NRXN3: variants seen among roughly 807,000 people sequenced by gnomAD.
NRXN3 encodes the protein neurexin III.
Under a neutral mutation model 137.6 loss-of-function variants are expected in NRXN3, and 32 were observed. The ratio of observed to expected loss-of-function variants is 0.23; its 90% CI spans 0.18 to 0.31. The LOEUF (loss-of-function observed/expected upper bound fraction) is 0.31. Ranked by LOEUF, NRXN3 falls within the 10% of genes least tolerant of loss-of-function variation. The probability of loss-of-function intolerance (pLI) is 1.00; values close to 1 mark genes in which losing one functional copy is unlikely to be tolerated. For synonymous variants in NRXN3, 798 were observed against 784.5 expected (o/e 1.02, Z -0.29); for missense variants, 1,574 against 2,062.5 (o/e 0.76, Z 4.59).
rs557799323 is a variant in NRXN3 at position 79,385,204 on chromosome 14, T to TCC, written c.3263-82012_3263-82011dup. On this transcript the variant is annotated intron_variant, in intron 15 of 20. Coordinates refer to ENST00000335750, the MANE Select transcript of NRXN3 (RefSeq NM_001330195.2). ...TAGGTATATCTCCCAATGCTATCCT[T>TCC]CCCCCCGCCCCCACCCCACCACAGT... is the stretch of plus-strand genomic sequence containing the variant. Among the ~76,000 whole-genome samples, 444 of 90,406 alleles carry TCC rather than the reference T, an allele frequency of 4.9e-3. 1 individual carries two copies. Among genetic ancestry groups the TCC allele is most frequent in the African/African-American group, 9.1e-3 (256 of 28,168 alleles). The allele number at this position is 90,406 out of a possible 152,430, so 59.3% of individuals were successfully genotyped here.
Position 78,774,923 on chromosome 14 carries a change from TA to T in NRXN3, c.2045-28688del, listed in dbSNP as rs199590617. Among the ~76,000 whole-genome samples the T allele has an allele frequency of 3.5e-3, 533 of 150,660 alleles. 17 individuals carry two copies. In the East Asian group the frequency reaches 0.06, roughly 17 times the overall value. Reference sequence around the variant, plus strand: ...GGGTGACAGAGTGAAACCCTGTCTCTAAAAAAAAAGAATAAAAAATAGAGGT... The same window carrying T: ...GGGTGACAGAGTGAAACCCTGTCTCTAAAAAAAAGAATAAAAAATAGAGGT... On this transcript the variant is annotated intron_variant, in intron 8 of 20. Coordinates refer to ENST00000335750, the MANE Select transcript of NRXN3 (RefSeq NM_001330195.2).
At chr14:79,428,647 A>T (rs967851239) in intron 15 of NRXN3, among the ~76,000 whole-genome samples, 5 of 152,186 alleles carry the variant, frequency 3.3e-5, no homozygotes, top group Non-Finnish European at 7.3e-5. Flanking sequence ...ATCTAAATAT[A>T]TAGCAAAATC....
At chr14:78,860,479 C>T (rs572269561) in intron 10 of NRXN3, among the ~76,000 whole-genome samples, 2 of 152,218 alleles carry the variant, frequency 1.3e-5, no homozygotes, top group South Asian at 2.1e-4. Context: ...TTTCTAATCA[C>T]ATTCTTTCAG....
intron 4 of NRXN3, among the ~76,000 whole-genome samples, chr14:78,453,273 CT>C (rs1412481440): frequency 6.6e-6 from 1 of 152,204 alleles, no homozygotes. Flanking sequence ...TATATAGCAT[CT>C]TATATGGAAC....
At chr14:79,406,053 T>C (rs1354040310) in intron 15 of NRXN3, among the ~76,000 whole-genome samples, 1 of 152,124 alleles carries the variant, frequency 6.6e-6, no homozygotes, top group African/African-American at 2.4e-5. Context: ...CAGTTAAATA[T>C]ACAAAAGAAA....
At chr14:78,245,324 G>C (rs555673528) in intron 2 of NRXN3, among the ~76,000 whole-genome samples, 43 of 152,240 alleles carry the variant, frequency 2.8e-4, no homozygotes, top group Middle Eastern at 3.4e-3. Context: ...TCTTGGCATG[G>C]GATCCAAGCA....
chr14:79,246,749 C>A (rs1006441055), intron 15 of NRXN3: 11 of 152,224 alleles, frequency 7.2e-5, no homozygotes, highest in African/African-American at 2.4e-4. Flanking sequence ...GTTTTCCCTG[C>A]AACAAGGTTA....
chr14:79,260,124 A>G (rs2077372726), intron 15 of NRXN3, among the ~76,000 whole-genome samples: 1 of 152,110 alleles, frequency 6.6e-6, no homozygotes, highest in Non-Finnish European at 1.5e-5. Context: ...AATATTTTTG[A>G]TATGTACAAA....
At chr14:79,361,255 T>C (rs2093670791) in intron 15 of NRXN3, among the ~76,000 whole-genome samples, 1 of 152,232 alleles carries the variant, frequency 6.6e-6, no homozygotes. Context: ...GCTGTTTCAC[T>C]GGGGCATCAG....
At chr14:79,323,153 C>T (rs2090314834) in intron 15 of NRXN3, among the ~76,000 whole-genome samples, 2 of 152,194 alleles carry the variant, frequency 1.3e-5, no homozygotes, top group South Asian at 2.1e-4. Context: ...CCTGCCTCAG[C>T]CTCCCAAGTA....
chr14:79,752,382 G>A (rs1214745188), intron 19 of NRXN3, among the ~76,000 whole-genome samples: 3 of 152,018 alleles, frequency 2.0e-5, no homozygotes, highest in Non-Finnish European at 4.4e-5. Context: ...ATAGATCAAT[G>A]GAACAGAACA....
In NRXN3 at chr14:78,715,112, G is replaced by C. The variant is rs144724543; in HGVS notation, c.2017G>C (p.Gly673Arg). The C allele has an allele frequency of 6.2e-7, 1 of 1,610,102 alleles. No individual in the cohort carries two copies. The highest frequency in any genetic ancestry group is 8.5e-7 in the Non-Finnish European group (1 of 1,178,576). Residue 673 changes from glycine to arginine, a missense_variant, in exon 8 of 21, where the codon GGA becomes CGA. Gly to Arg is a moderately radical substitution (Grantham distance 125, BLOSUM62 -2). This residue lies in a region of NRXN3 where 718 missense variants were observed against 887.6 expected (regional missense o/e 0.81). Transcript: ENST00000335750. ...NRFICDCTGT[G>R]YWGRTCEREA... ...CTTCATCTGCGACTGCACCGGCACC[G>C]GATACTGGGGAAGAACCTGCGAAAG...
chr14:78,217,853 G>A lies in NRXN3; in HGVS notation c.-703-24538G>A, dbSNP rs60502805. Among the ~76,000 whole-genome samples, 605 of 152,178 alleles carry A rather than the reference G, an allele frequency of 4.0e-3. 33 individuals carry two copies. In the East Asian group the frequency reaches 0.1, roughly 26 times the overall value. On this transcript the variant is annotated intron_variant, in intron 1 of 20. Coordinates refer to ENST00000335750, the MANE Select transcript of NRXN3 (RefSeq NM_001330195.2). The stretch of plus-strand genomic sequence containing the variant: ...GTTTTGTATTTTTAGTGGAGACAGG[G>A]TTTCACCATGTTGACCAGGCTGGTC...
At chr14:79,791,904 A>G (rs1404735749) in intron 19 of NRXN3, among the ~76,000 whole-genome samples, 1 of 152,206 alleles carries the variant, frequency 6.6e-6, no homozygotes, top group African/African-American at 2.4e-5. Flanking sequence ...GAAGAGGGGA[A>G]TGGATATTGA....
At position 78,988,080 on chromosome 14, in the gene NRXN3, A is replaced by G. The variant is rs1433030749; in HGVS notation, c.3201A>G (p.Gln1067=). The G allele has an allele frequency of 6.2e-7, 1 of 1,613,942 alleles. No individual in the cohort carries two copies. The change falls in exon 15 of 21, where the codon CAA becomes CAG. Residue 1067 remains glutamine, a synonymous_variant. Coordinates refer to ENST00000335750, the MANE Select transcript of NRXN3 (RefSeq NM_001330195.2). Reference sequence around the variant, plus strand: ...CCAACCAGGGGGTCTGCATGCAACAATGGGAGGGCTTCACCTGTGATTGTT... The same window carrying G: ...CCAACCAGGGGGTCTGCATGCAACAGTGGGAGGGCTTCACCTGTGATTGTT... ...SCANQGVCMQ[Q]WEGFTCDCSM... is the part of the protein sequence containing the mutation.
chr14:78,732,336 A>G (rs1216790888), intron 8 of NRXN3, among the ~76,000 whole-genome samples: 2 of 152,158 alleles, frequency 1.3e-5, no homozygotes, highest in Non-Finnish European at 2.9e-5. Context: ...TATAATTCAG[A>G]AACAGGGGAG....
At chr14:78,600,701 C>A (rs2097195158) in intron 4 of NRXN3, among the ~76,000 whole-genome samples, 1 of 152,196 alleles carries the variant, frequency 6.6e-6, no homozygotes, top group Admixed American at 6.5e-5. Context: ...GCCCAGATCA[C>A]CCTCCAGGGC....
chr14:78,397,259 A>T (rs1041210900), intron 4 of NRXN3, among the ~76,000 whole-genome samples: 1 of 152,156 alleles, frequency 6.6e-6, no homozygotes, highest in African/African-American at 2.4e-5. Flanking sequence ...CTTTTCAGCC[A>T]TGCCTCCTTT....
chr14:78,863,580 A>G (rs2099078709), intron 10 of NRXN3, among the ~76,000 whole-genome samples: 1 of 152,074 alleles, frequency 6.6e-6, no homozygotes, highest in East Asian at 1.9e-4. Flanking sequence ...TTTCAATTAA[A>G]ATTTATACCT....
Sources: allele counts gnomAD v4.1 joint callset (sites outside exome capture counted in the v4.1 genomes callset), GRCh38; gene constraint gnomAD v4.1.1; regional missense constraint gnomAD v4.1.1; transcripts MANE v1.5; gene names NCBI Gene and HGNC (gene_info 2026-07-23, HGNC 2026-07-21).